Variants in MAST2 observed in about 807,000 individuals in gnomAD.
The protein encoded by MAST2 is microtubule associated serine/threonine kinase 2, also known as microtubule-associated serine/threonine-protein kinase 2.
In MAST2, 70 loss-of-function variants were observed where a neutral mutation model predicts 147.4. The ratio of observed to expected loss-of-function variants is 0.47; its 90% CI spans 0.39 to 0.58. The LOEUF (loss-of-function observed/expected upper bound fraction) is 0.58. MAST2 is among the 20% of genes least tolerant of loss of function. MAST2 has a pLI of 0.00. For synonymous variants in MAST2, 869 were observed against 896.8 expected (o/e 0.97, Z 0.55); for missense variants, 2,080 against 2,302.3 (o/e 0.90, Z 1.98).
intron 4 of MAST2, among the ~76,000 whole-genome samples, chr1:45,889,339 G>A (rs967905584): frequency 1.4e-5 from 2 of 147,880 alleles, no homozygotes; most frequent in African/African-American, 2.5e-5. Context: ...GGTGCACGCC[G>A]CCACACCCAG....
At chr1:46,009,319 G>T (rs905691607) in intron 9 of MAST2, among the ~76,000 whole-genome samples, 1 of 152,188 alleles carries the variant, frequency 6.6e-6, no homozygotes, top group Non-Finnish European at 1.5e-5. Context: ...CTCCCAAAGT[G>T]CTGGGATTAC....
At chr1:45,869,156 A>G (rs958501160) in intron 3 of MAST2, among the ~76,000 whole-genome samples, 1 of 151,450 alleles carries the variant, frequency 6.6e-6, no homozygotes, top group African/African-American at 2.4e-5. Context: ...CTCCTTTTCT[A>G]CCTATCAACC....
intron 3 of MAST2, among the ~76,000 whole-genome samples, chr1:45,859,192 T>C (rs975869061): frequency 4.6e-5 from 7 of 152,188 alleles, no homozygotes; most frequent in Admixed American, 4.6e-4. Flanking sequence ...CCTCCTGGGT[T>C]CAAGTGATTC....
intron 5 of MAST2, among the ~76,000 whole-genome samples, chr1:45,975,726 C>T (rs1358730694): frequency 1.3e-5 from 2 of 150,114 alleles, no homozygotes; most frequent in African/African-American, 4.9e-5. Context: ...TCGTTTGTTA[C>T]TAGATTATAA....
chr1:45,974,969 G>C (rs1326459878), intron 5 of MAST2, among the ~76,000 whole-genome samples: 1 of 152,198 alleles, frequency 6.6e-6, no homozygotes, highest in African/African-American at 2.4e-5. Flanking sequence ...GAGGAGTAAT[G>C]GTTGTTGTAG....
chr1:45,865,929 G>A (rs1292587461), intron 3 of MAST2, among the ~76,000 whole-genome samples: 1 of 152,154 alleles, frequency 6.6e-6, no homozygotes, highest in African/African-American at 2.4e-5. Context: ...GTAAATCACT[G>A]AGCTAATCAA....
At chr1:45,890,448 G>A (rs911960052) in intron 4 of MAST2, among the ~76,000 whole-genome samples, 1 of 152,126 alleles carries the variant, frequency 6.6e-6, no homozygotes. Context: ...GTGCTCACAT[G>A]GCCTTTATGT....
chr1:45,910,493 C>T (rs1651506557), intron 4 of MAST2, among the ~76,000 whole-genome samples: 1 of 152,048 alleles, frequency 6.6e-6, no homozygotes, highest in Non-Finnish European at 1.5e-5. Flanking sequence ...GGTTCCTTGC[C>T]TTACATGTGC....
chr1:45,911,329 G>A (rs910592489), intron 4 of MAST2, among the ~76,000 whole-genome samples: 2 of 152,162 alleles, frequency 1.3e-5, no homozygotes, highest in Admixed American at 6.5e-5. Flanking sequence ...TGTAAAATAT[G>A]GCTTTCATTC....
At chr1:45,814,251 A>G (rs1043403308) in intron 1 of MAST2, among the ~76,000 whole-genome samples, 1 of 152,126 alleles carries the variant, frequency 6.6e-6, no homozygotes, top group African/African-American at 2.4e-5. Context: ...AGCCTCAGAC[A>G]AGTCCTTCAG....
At position 45,823,933 on chromosome 1, in the gene MAST2, T is replaced by C. The variant is rs146044835; in HGVS notation, c.178-500T>C. ...TTGCCTGTATTTTCTGATAGTACTTTTATACTTTGAAAACCTGTATTTAGC... is the reference window on the plus strand; with the variant it reads ...TTGCCTGTATTTTCTGATAGTACTTCTATACTTTGAAAACCTGTATTTAGC... On this transcript the variant is annotated intron_variant, in intron 1 of 28. Transcript: ENST00000361297. 3.6e-3 allele frequency among the ~76,000 whole-genome samples: 551 copies of C among 152,316 alleles called. 1 individual carries two copies. The highest frequency in any genetic ancestry group is 5.6e-3 in the Non-Finnish European group (380 of 68,032).
At chr1:45,853,433 C>T (rs1476301602) in intron 3 of MAST2, among the ~76,000 whole-genome samples, 1 of 152,028 alleles carries the variant, frequency 6.6e-6, no homozygotes, top group Non-Finnish European at 1.5e-5. Flanking sequence ...CGGCTCACGG[C>T]AACCTCTACC....
chr1:45,872,199 C>T (rs969133287), intron 3 of MAST2, among the ~76,000 whole-genome samples: 2 of 152,108 alleles, frequency 1.3e-5, no homozygotes, highest in African/African-American at 4.8e-5. Flanking sequence ...TGTGAGAATT[C>T]AATAGCAAAT....
Position 45,945,183 on chromosome 1 carries a change from C to T in MAST2, c.501-14203C>T, listed in dbSNP as rs114991543. Reference sequence around the variant, plus strand: ...CCAGGTGTGGTGGTGTGCACTTATTCCCAGCTGCTCAGGAGGCTGTGGTTG... The same window carrying T: ...CCAGGTGTGGTGGTGTGCACTTATTTCCAGCTGCTCAGGAGGCTGTGGTTG... On this transcript the variant is annotated intron_variant, in intron 4 of 28. Transcript: ENST00000361297. Among the ~76,000 whole-genome samples, 1,008 of 152,176 alleles carry T rather than the reference C, an allele frequency of 6.6e-3. 12 individuals are homozygous for T. Among genetic ancestry groups the T allele is most frequent in the African/African-American group, 0.023 (972 of 41,520 alleles).
chr1:45,913,713 C>G, intron 4 of MAST2: 1 of 1,011,990 alleles, frequency 9.9e-7, no homozygotes, highest in African/African-American at 1.7e-5. Flanking sequence ...TTAATTTTTG[C>G]CGTAAGTTTG....
At chr1:45,922,655 G>A (rs1172202787) in intron 4 of MAST2, among the ~76,000 whole-genome samples, 1 of 152,182 alleles carries the variant, frequency 6.6e-6, no homozygotes, top group African/African-American at 2.4e-5. Flanking sequence ...CCTGCGAGGG[G>A]CAGGGGCCTT....
chr1:45,952,741 G>T (rs1021399436), intron 4 of MAST2, among the ~76,000 whole-genome samples: 1 of 152,110 alleles, frequency 6.6e-6, no homozygotes, highest in Admixed American at 6.5e-5. Flanking sequence ...TGCTAAATTA[G>T]CAGTGGAAGT....
At chr1:45,840,125 A>G (rs531103314) in intron 3 of MAST2, among the ~76,000 whole-genome samples, 1 of 152,336 alleles carries the variant, frequency 6.6e-6, no homozygotes, top group South Asian at 2.1e-4. Flanking sequence ...TCAGAAAGAA[A>G]AATTTTTGCT....
At chr1:45,937,751 C>CAAAAAAAAAAAAA (rs34830747) in intron 4 of MAST2, among the ~76,000 whole-genome samples, 11 of 73,216 alleles carry the variant, frequency 1.5e-4, no homozygotes, top group South Asian at 5.5e-4. Flanking sequence ...AACTCCATCT[C>CAAAAAAAAAAAAA]AAAAAAAAAA....
Sources: allele counts gnomAD v4.1 joint callset (sites outside exome capture counted in the v4.1 genomes callset), GRCh38; gene constraint gnomAD v4.1.1; transcripts MANE v1.5; gene names NCBI Gene and HGNC (gene_info 2026-07-23, HGNC 2026-07-21).